Variants in PDZD2 observed in about 807,000 individuals in gnomAD.
The protein encoded by PDZD2 is PDZ domain containing 2.
A neutral mutation model predicts 220.7 loss-of-function variants in PDZD2; 90 were observed. The observed-to-expected ratio is 0.41, with a 90% CI of 0.34 to 0.49. PDZD2 has a LOEUF of 0.49. Ranked by LOEUF, PDZD2 falls within the 20% of genes least tolerant of loss-of-function variation. The pLI is 0.28. For missense variants in PDZD2, 3,174 were observed against 3,608.5 expected (o/e 0.88, Z 3.08); for synonymous variants, 1,375 against 1,450.5 (o/e 0.95, Z 1.18).
chr5:31,861,451 A>G (rs1737699602), intron 2 of PDZD2, among the ~76,000 whole-genome samples: 2 of 152,214 alleles, frequency 1.3e-5, no homozygotes, highest in Admixed American at 1.3e-4. Flanking sequence ...GATTCCAAGT[A>G]GAATTCCTCT....
chr5:31,912,444 C>A (rs1743292890), intron 2 of PDZD2, among the ~76,000 whole-genome samples: 1 of 152,166 alleles, frequency 6.6e-6, no homozygotes, highest in Non-Finnish European at 1.5e-5. Flanking sequence ...AAATCCTAAC[C>A]CCCAAGGGGG....
rs1200633932 is a variant in PDZD2 at position 32,090,320 on chromosome 5, C to T, written c.6872C>T (p.Pro2291Leu). ...KPLLDTSRNL[P>L]ATDEGDIISV... is the part of the protein sequence containing the mutation. Reference sequence around the variant, plus strand: ...CTGCTGGACACATCGAGGAATCTTCCAGCCACAGATGAAGGGGATATCATT... The same window carrying T: ...CTGCTGGACACATCGAGGAATCTTCTAGCCACAGATGAAGGGGATATCATT... The change falls in exon 20 of 25, where the codon CCA (proline) becomes CTA (leucine). Residue 2291 changes from proline to leucine, a missense_variant. Physicochemically the swap from Pro to Leu is moderately conservative, Grantham distance 98 (BLOSUM62 -3). Around this residue, in one of 4 missense-constraint regions of PDZD2, gnomAD observed 631 missense variants for 789.9 expected, o/e 0.80. Coordinates refer to ENST00000438447, the MANE Select transcript of PDZD2 (RefSeq NM_178140.4). The surrounding 1 kb of genome is among the most constrained non-coding windows in gnomAD (Gnocchi z 4.3). 5.6e-6 allele frequency: 9 copies of T among 1,614,204 alleles called. No homozygotes were observed. Among genetic ancestry groups the T allele is most frequent in the South Asian group, 1.1e-5 (1 of 91,084 alleles).
intron 2 of PDZD2, among the ~76,000 whole-genome samples, chr5:31,933,194 G>A (rs1376624112): frequency 6.6e-6 from 1 of 152,180 alleles, no homozygotes; most frequent in African/African-American, 2.4e-5. Flanking sequence ...TACAGGCCAT[G>A]AGCCACTGCG....
At chr5:31,668,048 G>T (rs1039578771) in intron 1 of PDZD2, among the ~76,000 whole-genome samples, 2 of 151,926 alleles carry the variant, frequency 1.3e-5, no homozygotes, top group African/African-American at 4.8e-5. Context: ...TTTTAGTAAA[G>T]ACGGGGGTTT....
intron 1 of PDZD2, among the ~76,000 whole-genome samples, chr5:31,648,343 A>C (rs1220390148): frequency 6.6e-6 from 1 of 152,090 alleles, no homozygotes; most frequent in African/African-American, 2.4e-5. Context: ...AATCCTTGAT[A>C]TGTCTCTTTC....
At chr5:31,896,829 C>T (rs1741615372) in intron 2 of PDZD2, among the ~76,000 whole-genome samples, 1 of 152,196 alleles carries the variant, frequency 6.6e-6, no homozygotes, top group African/African-American at 2.4e-5. Flanking sequence ...TGGTGCCATG[C>T]ACCTGTGGTT....
chr5:31,842,641 G>A (rs1345802209), intron 2 of PDZD2, among the ~76,000 whole-genome samples: 4 of 152,168 alleles, frequency 2.6e-5, no homozygotes, highest in Admixed American at 6.6e-5. Flanking sequence ...CATTGCTTGC[G>A]GAGTGGGTAA....
At chr5:31,832,500 C>T (rs1035269102) in intron 2 of PDZD2, 2 of 151,406 alleles carry the variant, frequency 1.3e-5, no homozygotes, top group Admixed American at 1.3e-4. Flanking sequence ...GAACATGGCT[C>T]CTGCTCAAGG....
chr5:32,097,054 T>C (rs755776238), intron 21 of PDZD2, among the ~76,000 whole-genome samples: 111 of 151,794 alleles, frequency 7.3e-4, no homozygotes, highest in Non-Finnish European at 1.4e-3. Context: ...CTCGAACTCT[T>C]GGGCTCAAGA....
intron 2 of PDZD2, among the ~76,000 whole-genome samples, chr5:31,825,914 T>C (rs1310306032): frequency 6.8e-6 from 1 of 147,666 alleles, no homozygotes; most frequent in East Asian, 1.9e-4. Flanking sequence ...GGCATGCTAT[T>C]AACAGGTGTC....
chr5:31,798,600 A>T (rs1481269736), intron 1 of PDZD2, among the ~76,000 whole-genome samples: 1 of 151,952 alleles, frequency 6.6e-6, no homozygotes, highest in Non-Finnish European at 1.5e-5. Flanking sequence ...TGTGAGTTTG[A>T]TAGTATGTTG....
chr5:31,987,121 CT>C, intron 3 of PDZD2, among the ~76,000 whole-genome samples: 1 of 152,266 alleles, frequency 6.6e-6, no homozygotes, highest in African/African-American at 2.4e-5. Flanking sequence ...ATCTTTACTA[CT>C]CTGAGAGTTT....
intron 1 of PDZD2, among the ~76,000 whole-genome samples, chr5:31,714,340 G>C (rs899374924): frequency 5.3e-5 from 8 of 152,210 alleles, no homozygotes; most frequent in African/African-American, 1.7e-4. Flanking sequence ...GTATCTGTGG[G>C]TTCCGCTTGT....
chr5:31,944,222 G>A (rs1190244847), intron 2 of PDZD2, among the ~76,000 whole-genome samples: 1 of 152,054 alleles, frequency 6.6e-6, no homozygotes, highest in African/African-American at 2.4e-5. Flanking sequence ...AGAGTCTATG[G>A]CACAAAATAA....
intron 1 of PDZD2, among the ~76,000 whole-genome samples, chr5:31,674,007 C>CCT (rs974936830): frequency 6.6e-6 from 1 of 152,158 alleles, no homozygotes. Context: ...GAGCTTGGTT[C>CCT]CTCTCTCTCT....
chr5:32,004,551 A>G (rs1347101888), intron 5 of PDZD2, among the ~76,000 whole-genome samples: 1 of 152,244 alleles, frequency 6.6e-6, no homozygotes, highest in South Asian at 2.1e-4. Context: ...TGGCCATGCC[A>G]CTACACTCCA....
intron 16 of PDZD2, 60 bp downstream of exon 16, chr5:32,071,478 G>A: frequency 2.9e-6 from 4 of 1,356,910 alleles, no homozygotes; most frequent in Non-Finnish European, 4.2e-6. Flanking sequence ...AATTCCTGGA[G>A]CCCACAAGTC....
intron 1 of PDZD2, among the ~76,000 whole-genome samples, chr5:31,758,110 TC>T (rs552935475): frequency 4.6e-4 from 70 of 152,344 alleles, no homozygotes; most frequent in Admixed American, 3.8e-3. Context: ...GTCCAAGAGC[TC>T]CCAGGGTTTT....
intron 2 of PDZD2, among the ~76,000 whole-genome samples, chr5:31,960,217 T>A (rs1748087292): frequency 6.6e-6 from 1 of 151,860 alleles, no homozygotes; most frequent in Non-Finnish European, 1.5e-5. Context: ...CTTCCTTCTT[T>A]CCTTCCTTCT....
Sources: gnomAD v4.1 joint callset for allele counts (sites outside exome capture counted in the v4.1 genomes callset) on GRCh38, gnomAD v4.1.1 for gene constraint, gnomAD v4.1.1 regional missense constraint, Gnocchi (gnomAD v3.1) non-coding constraint, MANE v1.5 for transcripts, NCBI Gene and HGNC (gene_info 2026-07-23, HGNC 2026-07-21) for gene names.